Variants in SLC6A11 observed in about 807,000 individuals in gnomAD.
The protein encoded by SLC6A11 is sodium- and chloride-dependent GABA transporter 3.
A neutral mutation model predicts 74.8 loss-of-function variants in SLC6A11; 25 were observed. That is an observed-to-expected ratio of 0.33 (90% CI 0.24 to 0.47). The LOEUF (loss-of-function observed/expected upper bound fraction) is 0.47, where lower values mean the gene tolerates loss of function less well. Among genes scored for constraint, SLC6A11 ranks in the 20% least tolerant of loss-of-function variants. The probability of loss-of-function intolerance (pLI) is 1.00; values close to 1 mark genes in which losing one functional copy is unlikely to be tolerated. For missense variants in SLC6A11, 574 were observed against 837.0 expected, an observed-to-expected ratio of 0.69 and a Z score of 3.88; for synonymous variants, 330 against 330.2, an observed-to-expected ratio of 1.00 and a Z score of 0.01.
chr3:10,856,618 C>T (rs1694641513), intron 5 of SLC6A11, among the ~76,000 whole-genome samples: 1 of 152,150 alleles, frequency 6.6e-6, no homozygotes, highest in African/African-American at 2.4e-5. Flanking sequence ...TGGTGCGTTT[C>T]CCCCTGGTAC....
chr3:10,938,248 A>C lies in SLC6A11; in HGVS notation c.1747-2A>C, dbSNP rs1695781207. 6.3e-7 allele frequency: 1 copy of C among 1,585,866 alleles called. No individual in the cohort carries two copies. On this transcript the variant is annotated splice_acceptor_variant, in intron 13 of 13. Transcript: ENST00000254488. LOFTEE classifies it high-confidence loss of function. ...ATCTTCCCCTCCTCTCCAACCATCCAGAAACTCCAGAAGTTGACGACCCCC... is the reference window on the plus strand; with the variant it reads ...ATCTTCCCCTCCTCTCCAACCATCCCGAAACTCCAGAAGTTGACGACCCCC...
chr3:10,890,184 A>G (rs1575691004), intron 6 of SLC6A11, among the ~76,000 whole-genome samples: 1 of 152,044 alleles, frequency 6.6e-6, no homozygotes, highest in African/African-American at 2.4e-5. Context: ...TTAGTGCTTT[A>G]TAGGAAAAAA....
At chr3:10,885,555 G>A (rs1176624060) in intron 6 of SLC6A11, among the ~76,000 whole-genome samples, 5 of 150,504 alleles carry the variant, frequency 3.3e-5, no homozygotes, top group African/African-American at 1.2e-4. Flanking sequence ...AGAGCCCGGG[G>A]TACTGCTAAA....
intron 5 of SLC6A11, among the ~76,000 whole-genome samples, chr3:10,851,150 G>A (rs1338996002): frequency 6.6e-6 from 1 of 151,882 alleles, no homozygotes; most frequent in Non-Finnish European, 1.5e-5. Flanking sequence ...TCTCCCTACT[G>A]CCTGGTTCCT....
At chr3:10,933,941 C>A in intron 11 of SLC6A11, 125 bp from the exon 12 acceptor site, 1 of 660,706 alleles carries the variant, frequency 1.5e-6, no homozygotes, top group Non-Finnish European at 2.7e-6. Context: ...TTAAGCAGTA[C>A]AAAGATTCCT....
chr3:10,925,893 C>T (rs1179361904), intron 8 of SLC6A11, 111 bp from the exon 9 acceptor site: 4 of 676,912 alleles, frequency 5.9e-6, no homozygotes, highest in African/African-American at 1.8e-5. Context: ...GAGTGAGAGG[C>T]AGGCACAGTG....
intron 7 of SLC6A11, among the ~76,000 whole-genome samples, chr3:10,914,197 C>T (rs1695425077): frequency 6.6e-6 from 1 of 152,166 alleles, no homozygotes; most frequent in Non-Finnish European, 1.5e-5. Flanking sequence ...ATTACCCCAT[C>T]TTTGAGACAG....
chr3:10,867,287 G>A (rs922464912), intron 5 of SLC6A11, among the ~76,000 whole-genome samples: 1 of 152,238 alleles, frequency 6.6e-6, no homozygotes, highest in South Asian at 2.1e-4. Flanking sequence ...GTGTGGCAGA[G>A]TGCAGCATGT....
At chr3:10,854,808 G>C (rs575294936) in intron 5 of SLC6A11, among the ~76,000 whole-genome samples, 1 of 152,316 alleles carries the variant, frequency 6.6e-6, no homozygotes, top group Admixed American at 6.5e-5. Context: ...TGTAGACTTA[G>C]TATATTTATA....
At chr3:10,845,465 T>C (rs1370981915) in intron 5 of SLC6A11, among the ~76,000 whole-genome samples, 1 of 152,186 alleles carries the variant, frequency 6.6e-6, no homozygotes, top group African/African-American at 2.4e-5. Flanking sequence ...CTCCTTCCCA[T>C]AGGCAGTTGC....
chr3:10,856,403 C>G (rs531541992), intron 5 of SLC6A11, among the ~76,000 whole-genome samples: 1 of 152,254 alleles, frequency 6.6e-6, no homozygotes, highest in Non-Finnish European at 1.5e-5. Flanking sequence ...TTGCAGAGCA[C>G]CTGCCACATG....
chr3:10,893,954 C>T (rs1048560091), intron 6 of SLC6A11, among the ~76,000 whole-genome samples: 2 of 152,304 alleles, frequency 1.3e-5, no homozygotes, highest in Middle Eastern at 3.4e-3. Context: ...CAACCCAAAG[C>T]CCTGAAAAAT....
At chr3:10,838,552 C>G (rs1694396839) in intron 4 of SLC6A11, among the ~76,000 whole-genome samples, 1 of 152,170 alleles carries the variant, frequency 6.6e-6, no homozygotes, top group South Asian at 2.1e-4. Context: ...AGTTCAAGAC[C>G]AGCCTGGCCA....
intron 6 of SLC6A11, among the ~76,000 whole-genome samples, chr3:10,881,199 T>G (rs1398941062): frequency 6.6e-6 from 1 of 152,124 alleles, no homozygotes; most frequent in Non-Finnish European, 1.5e-5. Flanking sequence ...GCAGATCACT[T>G]GAAGTTGGGA....
At chr3:10,931,775 C>G (rs1695690954) in intron 10 of SLC6A11, among the ~76,000 whole-genome samples, 2 of 152,240 alleles carry the variant, frequency 1.3e-5, no homozygotes, top group Non-Finnish European at 2.9e-5. Flanking sequence ...CCACACCCAC[C>G]TCCCTTTTCT....
intron 5 of SLC6A11, among the ~76,000 whole-genome samples, chr3:10,863,405 G>A (rs1694727656): frequency 6.6e-6 from 1 of 152,202 alleles, no homozygotes; most frequent in Non-Finnish European, 1.5e-5. Flanking sequence ...GGCTTAAAGG[G>A]ATTGAGTTCA....
At chr3:10,916,359 A>G (rs954770368) in intron 7 of SLC6A11, among the ~76,000 whole-genome samples, 1 of 152,190 alleles carries the variant, frequency 6.6e-6, no homozygotes, top group Non-Finnish European at 1.5e-5. Context: ...CTATGTAACA[A>G]ACAACCCCAG....
intron 5 of SLC6A11, among the ~76,000 whole-genome samples, chr3:10,867,325 C>T (rs1402994325): frequency 1.3e-5 from 2 of 152,232 alleles, no homozygotes; most frequent in Admixed American, 1.3e-4. Flanking sequence ...CTTCCGAGCA[C>T]TTCCAGCATT....
At chr3:10,883,347 C>T (rs1026208378) in intron 6 of SLC6A11, among the ~76,000 whole-genome samples, 1 of 152,158 alleles carries the variant, frequency 6.6e-6, no homozygotes, top group African/African-American at 2.4e-5. Context: ...CAAGAAATCA[C>T]ATTGTTCCTG....
Sources: gnomAD v4.1 joint callset for allele counts (sites outside exome capture counted in the v4.1 genomes callset) on GRCh38, gnomAD v4.1.1 for gene constraint, MANE v1.5 for transcripts, NCBI Gene and HGNC (gene_info 2026-07-23, HGNC 2026-07-21) for gene names.